The following ARHGEF38 variants were observed in gnomAD, a reference collection of about 807,000 sequenced individuals.
The protein encoded by ARHGEF38 is Rho guanine nucleotide exchange factor 38.
Under a neutral mutation model 79.9 loss-of-function variants are expected in ARHGEF38, and 79 were observed. That is an observed-to-expected ratio of 0.99 (90% CI 0.82 to 1.19). The LOEUF is 1.19. Ranked by LOEUF, ARHGEF38 falls within the 50% of genes most tolerant of loss-of-function variation. The pLI, the probability that ARHGEF38 is intolerant of heterozygous loss-of-function variation, is 0.00. For synonymous variants in ARHGEF38, 366 were observed against 328.3 expected (o/e 1.11, Z -1.24); for missense variants, 962 against 907.2 (o/e 1.06, Z -0.78).
In ARHGEF38 at chr4:105,653,534, G is replaced by T. The variant is rs562626605; in HGVS notation, c.1009-531G>T. On this transcript the variant is annotated intron_variant, in intron 7 of 13. Coordinates refer to ENST00000420470, the MANE Select transcript of ARHGEF38 (RefSeq NM_001242729.2). Reference sequence around the variant, plus strand: ...TACGGGGTTTCACCATATTGGCCAGGCTGGACTCGAACTCCTGACCTCGTG... The same window carrying T: ...TACGGGGTTTCACCATATTGGCCAGTCTGGACTCGAACTCCTGACCTCGTG... Among the ~76,000 whole-genome samples the T allele has an allele frequency of 4.6e-5, 7 of 152,210 alleles. No individual in the cohort carries two copies. The East Asian group carries it at 1.4e-3, about 29-fold the overall frequency.
At chr4:105,589,206 C>A (rs1376854838) in intron 1 of ARHGEF38, 42 bp from the exon 2 acceptor site, 2 of 1,524,932 alleles carry the variant, frequency 1.3e-6, no homozygotes, top group Admixed American at 2.1e-5. Flanking sequence ...GAAAAAGAAA[C>A]CTCAGCAGAA....
intron 2 of ARHGEF38, among the ~76,000 whole-genome samples, chr4:105,607,026 T>C (rs2110483333): frequency 6.6e-6 from 1 of 152,264 alleles, no homozygotes; most frequent in South Asian, 2.1e-4. Flanking sequence ...ACAGTGTTAC[T>C]TTTAGAGATG....
intron 3 of ARHGEF38, among the ~76,000 whole-genome samples, chr4:105,625,410 T>C (rs1365598036): frequency 1.3e-5 from 2 of 152,156 alleles, no homozygotes; most frequent in East Asian, 1.9e-4. Flanking sequence ...ATAAGACAGA[T>C]GTTGATTTCT....
intron 1 of ARHGEF38, chr4:105,561,458 T>C (rs1287506665): frequency 1.5e-5 from 1 of 67,780 alleles, no homozygotes; most frequent in South Asian, 6.4e-4. Context: ...TGGAATAGAA[T>C]AGAATAGAAT....
At chr4:105,631,785 T>C (rs1729204103) in intron 4 of ARHGEF38, 1 of 674,106 alleles carries the variant, frequency 1.5e-6, no homozygotes, top group African/African-American at 2.0e-5. Flanking sequence ...ATTGGTATCT[T>C]TCTGAATATG....
At chr4:105,611,863 A>G (rs1294636475) in intron 2 of ARHGEF38, among the ~76,000 whole-genome samples, 1 of 152,126 alleles carries the variant, frequency 6.6e-6, no homozygotes, top group Non-Finnish European at 1.5e-5. Flanking sequence ...ATATTGAAAT[A>G]AACCACTGCA....
chr4:105,564,203 T>C (rs1725775322), intron 1 of ARHGEF38, among the ~76,000 whole-genome samples: 1 of 152,242 alleles, frequency 6.6e-6, no homozygotes, highest in Non-Finnish European at 1.5e-5. Flanking sequence ...AGGTTTGTTT[T>C]TCAGTATTGC....
intron 3 of ARHGEF38, among the ~76,000 whole-genome samples, chr4:105,628,350 G>C (rs1729038139): frequency 6.6e-6 from 1 of 152,194 alleles, no homozygotes; most frequent in Non-Finnish European, 1.5e-5. Context: ...GTCCAGCTAA[G>C]TCTGTGATCT....
At position 105,625,819 on chromosome 4, in the gene ARHGEF38, T is replaced by A. The variant is rs550131365; in HGVS notation, c.509-5079T>A. The stretch of plus-strand genomic sequence containing the variant: ...CCATGGGGAGACAGCTAGCAAGCTC[T>A]GTCACCCACCCCACCAACTTAGTCA... On this transcript the variant is annotated intron_variant, in intron 3 of 13. Coordinates refer to ENST00000420470, the MANE Select transcript of ARHGEF38 (RefSeq NM_001242729.2). Among the ~76,000 whole-genome samples the A allele has an allele frequency of 2.6e-5, 4 of 152,340 alleles. No individual in the cohort carries two copies. The East Asian group carries it at 7.7e-4, about 29-fold the overall frequency.
chr4:105,589,748 C>G (rs1199394291), intron 2 of ARHGEF38, among the ~76,000 whole-genome samples: 1 of 151,900 alleles, frequency 6.6e-6, no homozygotes, highest in Non-Finnish European at 1.5e-5. Flanking sequence ...AATAAGGGGA[C>G]AAGGCCGGGT....
At chr4:105,596,165 G>A (rs944569767) in intron 2 of ARHGEF38, among the ~76,000 whole-genome samples, 35 of 152,166 alleles carry the variant, frequency 2.3e-4, no homozygotes, top group African/African-American at 8.2e-4. Context: ...AGGATGGTGG[G>A]GAGTATATTG....
chr4:105,633,608 G>T (rs528006328), intron 4 of ARHGEF38, among the ~76,000 whole-genome samples: 1 of 152,168 alleles, frequency 6.6e-6, no homozygotes. Flanking sequence ...CAATATCCAC[G>T]AGAGAGGTGG....
chr4:105,610,785 C>G (rs935746734), intron 2 of ARHGEF38, among the ~76,000 whole-genome samples: 1 of 151,960 alleles, frequency 6.6e-6, no homozygotes, highest in Non-Finnish European at 1.5e-5. Flanking sequence ...ATTTGTGGCA[C>G]TAAGCTAAGA....
At chr4:105,615,411 T>C (rs984421033) in intron 3 of ARHGEF38, among the ~76,000 whole-genome samples, 2 of 152,150 alleles carry the variant, frequency 1.3e-5, no homozygotes, top group African/African-American at 2.4e-5. Flanking sequence ...GTAATAAGCA[T>C]TGAGACTAAG....
In ARHGEF38 at chr4:105,625,806, A is replaced by G. The variant is rs73837082; in HGVS notation, c.509-5092A>G. 6.0e-3 allele frequency among the ~76,000 whole-genome samples: 915 copies of G among 152,346 alleles called. 7 individuals carry two copies. The highest frequency in any genetic ancestry group is 0.021 in the African/African-American group (873 of 41,596). Reference sequence around the variant, plus strand: ...AAGCAGATTATGACCATGGGGAGACAGCTAGCAAGCTCTGTCACCCACCCC... The same window carrying G: ...AAGCAGATTATGACCATGGGGAGACGGCTAGCAAGCTCTGTCACCCACCCC... On this transcript the variant is annotated intron_variant, in intron 3 of 13. Transcript: ENST00000420470.
At chr4:105,621,492 C>G (rs1402291055) in intron 3 of ARHGEF38, among the ~76,000 whole-genome samples, 1 of 152,188 alleles carries the variant, frequency 6.6e-6, no homozygotes, top group Non-Finnish European at 1.5e-5. Flanking sequence ...GGGTGACTCT[C>G]TCCTTGGAGA....
intron 1 of ARHGEF38, among the ~76,000 whole-genome samples, chr4:105,579,826 A>C (rs565273432): frequency 1.3e-5 from 2 of 152,030 alleles, no homozygotes; most frequent in South Asian, 2.1e-4. Flanking sequence ...TTATTCGTAC[A>C]TGTGTTTGAA....
intron 8 of ARHGEF38, 111 bp from the exon 9 acceptor site, chr4:105,655,492 T>C: frequency 9.0e-7 from 1 of 1,114,998 alleles, no homozygotes; most frequent in Non-Finnish European, 1.2e-6. Context: ...CCTTTTTAAA[T>C]AACCTCTCAG....
chr4:105,675,746 C>T (rs762025036), intron 13 of ARHGEF38, among the ~76,000 whole-genome samples: 34 of 152,272 alleles, frequency 2.2e-4, no homozygotes, highest in Admixed American at 3.9e-4. Flanking sequence ...GATCAAGGCA[C>T]CAGTTTATGT....
Sources: allele counts gnomAD v4.1 joint callset (sites outside exome capture counted in the v4.1 genomes callset), GRCh38; gene constraint gnomAD v4.1.1; transcripts MANE v1.5; gene names NCBI Gene and HGNC (gene_info 2026-07-23, HGNC 2026-07-21).